PCLO: variants seen among roughly 807,000 people sequenced by gnomAD.
PCLO encodes protein piccolo.
A neutral mutation model predicts 427.5 loss-of-function variants in PCLO; 82 were observed. The ratio of observed to expected loss-of-function variants is 0.19; its 90% CI spans 0.16 to 0.23. PCLO has a LOEUF of 0.23. Among genes scored for constraint, PCLO ranks in the 10% least tolerant of loss-of-function variants. PCLO has a pLI of 1.00. For synonymous variants in PCLO, 2,357 were observed against 2,155.4 expected (o/e 1.09, Z -2.59); for missense variants, 6,239 against 6,115.9 (o/e 1.02, Z -0.67).
At chr7:82,901,546 A>C (rs542161533) in intron 9 of PCLO, among the ~76,000 whole-genome samples, 52 of 152,198 alleles carry the variant, frequency 3.4e-4, no homozygotes, top group Non-Finnish European at 6.3e-4. Flanking sequence ...CACCAAAAGC[A>C]ATGGCAACAA....
At chr7:82,938,451 C>T (rs12672033) in intron 6 of PCLO, among the ~76,000 whole-genome samples, 75,270 of 151,166 alleles carry the variant, frequency 0.5, 19,430 homozygotes, top group East Asian at 0.8. Flanking sequence ...TCCTTTTTCT[C>T]TTCCTTTTAG....
chr7:82,806,665 C>T (rs1486032498), intron 20 of PCLO, among the ~76,000 whole-genome samples: 1 of 152,106 alleles, frequency 6.6e-6, no homozygotes, highest in Non-Finnish European at 1.5e-5. Flanking sequence ...ATTTGTCTTC[C>T]GCCAGAGAGA....
At position 83,000,317 on chromosome 7, in the gene PCLO, G is replaced by C. The variant is rs529169999; in HGVS notation, c.3301-33830C>G. Reference sequence around the variant, plus strand: ...AGAGAGAGAGAGAGAAAATAAACCAGAGTATAGAATTCTATACTCTGAAAC... The same window carrying C: ...AGAGAGAGAGAGAGAAAATAAACCACAGTATAGAATTCTATACTCTGAAAC... On this transcript the variant is annotated intron_variant, in intron 3 of 24. Transcript: ENST00000333891. 4.7e-5 allele frequency among the ~76,000 whole-genome samples: 7 copies of C among 150,182 alleles called. No homozygotes were observed. In the East Asian group the frequency reaches 1.4e-3, roughly 30 times the overall value.
At chr7:82,809,083 C>T (rs1213489903) in intron 20 of PCLO, among the ~76,000 whole-genome samples, 1 of 151,806 alleles carries the variant, frequency 6.6e-6, no homozygotes, top group Admixed American at 6.6e-5. Flanking sequence ...AACATCAATT[C>T]TATTAAATTG....
chr7:82,935,995 T>C (rs151290070), intron 6 of PCLO, among the ~76,000 whole-genome samples: 10 of 151,700 alleles, frequency 6.6e-5, no homozygotes, highest in African/African-American at 2.4e-4. Flanking sequence ...TATAATCTCC[T>C]ATTCTCTAGC....
At chr7:82,873,312 C>T (rs973192957) in intron 10 of PCLO, among the ~76,000 whole-genome samples, 3 of 151,630 alleles carry the variant, frequency 2.0e-5, no homozygotes, top group African/African-American at 7.3e-5. Flanking sequence ...TCCACACTCC[C>T]GTCATCCTCT....
Position 82,951,125 on chromosome 7 carries a change from C to A in PCLO, c.9463G>T (p.Ala3155Ser), listed in dbSNP as rs1286852252. ...GCACTGATATCAATACCAGTTACTG[C>A]AATGTCCGTTTCAGATGCACCTGTT... is the stretch of plus-strand genomic sequence containing the variant. ...ITTGASETDIAVTGIDISASL... is the reference protein window; with the variant it reads ...ITTGASETDISVTGIDISASL... Residue 3155 changes from alanine (A) to serine (S), a missense_variant, in exon 6 of 25, where the codon GCA becomes TCA. By Grantham distance (99) the Ala-to-Ser change is moderately conservative. Coordinates refer to ENST00000333891, the MANE Select transcript of PCLO (RefSeq NM_033026.6). 1 of 1,613,736 alleles carries A rather than the reference C, an allele frequency of 6.2e-7. No individual in the cohort carries two copies. Among genetic ancestry groups the A allele is most frequent in the East Asian group, 2.2e-5 (1 of 44,836 alleles).
chr7:82,923,375 G>C (rs1000604268), intron 6 of PCLO, among the ~76,000 whole-genome samples: 2 of 151,966 alleles, frequency 1.3e-5, no homozygotes, highest in Admixed American at 6.6e-5. Context: ...GGGGAAAAAT[G>C]CAAGAGCAAA....
rs1161271026 is a variant in PCLO, at chr7:83,155,166, T to C, written c.1475A>G (p.Gln492Arg). The change falls in exon 2 of 25, where the codon CAA (glutamine) becomes CGA (arginine). Residue 492 changes from glutamine (Q) to arginine (R), a missense_variant. By Grantham distance (43) the Gln-to-Arg change is conservative. Transcript: ENST00000333891. ...TGGGGGCTTTGCTGAGCCAGGCTGTTGAGGTGGGGGCTTTGCTGGGCCAGG... is the reference window on the plus strand; with the variant it reads ...TGGGGGCTTTGCTGAGCCAGGCTGTCGAGGTGGGGGCTTTGCTGGGCCAGG... ...QQPGPAKPPP[Q>R]QPGSAKPPSQ... 2 of 1,558,950 alleles carry C rather than the reference T, an allele frequency of 1.3e-6. No homozygotes were observed. The highest frequency in any genetic ancestry group is 3.7e-5 in the Admixed American group (2 of 54,528).
chr7:83,016,982 T>TG (rs1459652140), intron 3 of PCLO, among the ~76,000 whole-genome samples: 1 of 151,964 alleles, frequency 6.6e-6, no homozygotes, highest in African/African-American at 2.4e-5. Flanking sequence ...TGGCTTAAAG[T>TG]GGGGAAATGG....
In PCLO at chr7:82,915,523, A is replaced by G; in HGVS notation, c.12463T>C (p.Tyr4155His). The part of the protein sequence containing the change: ...LSHYYHADTS[Y>H]RHFPKSEKYS... ...TTCTCAGATTTTGGAAAATGTCTGT[A>G]GCTAGTATCAGCATGGTAATAATGA... Residue 4155 changes from tyrosine (Y) to histidine (H), a missense_variant, in exon 7 of 25, where the codon TAC (tyrosine) becomes CAC (histidine). This residue lies in a region of PCLO where 680 missense variants were observed against 677.3 expected (regional missense o/e 1.00). Transcript: ENST00000333891. 6.2e-7 allele frequency: 1 copy of G among 1,613,736 alleles called. No individual in the cohort carries two copies. The highest frequency in any genetic ancestry group is 1.1e-5 in the South Asian group (1 of 91,076).
chr7:83,001,505 A>AACACAC (rs3035080), intron 3 of PCLO, among the ~76,000 whole-genome samples: 7,756 of 149,080 alleles, frequency 0.052, 393 homozygotes, highest in African/African-American at 0.13. Flanking sequence ...CACACATACA[A>AACACAC]ACACACACAC....
rs545360837 is a variant in PCLO, at chr7:82,967,971, T to C, written c.3301-1484A>G. Among the ~76,000 whole-genome samples, 8 of 152,332 alleles carry C rather than the reference T, an allele frequency of 5.3e-5. No individual in the cohort carries two copies. In the South Asian group the frequency reaches 1.7e-3, roughly 32 times the overall value. On this transcript the variant is annotated intron_variant, in intron 3 of 24. Coordinates refer to ENST00000333891, the MANE Select transcript of PCLO (RefSeq NM_033026.6). Reference sequence around the variant, plus strand: ...TTTCATGCTGGCTCACTCTTTCTAGTTGCTTATCTTAAAGTATTTAGATAA... The same window carrying C: ...TTTCATGCTGGCTCACTCTTTCTAGCTGCTTATCTTAAAGTATTTAGATAA...
rs566606953 is a variant in PCLO, at chr7:83,017,342, CT to C, written c.3301-50856del. Reference sequence around the variant, plus strand: ...ACATTAAAGAATTTTTTTTTGAAAACTTTACCAGGGTGTAATTGAATAGGAC... The same window carrying C: ...ACATTAAAGAATTTTTTTTTGAAAACTTACCAGGGTGTAATTGAATAGGAC... On this transcript the variant is annotated intron_variant, in intron 3 of 24. Coordinates refer to ENST00000333891, the MANE Select transcript of PCLO (RefSeq NM_033026.6). 1.5e-4 allele frequency among the ~76,000 whole-genome samples: 23 copies of C among 151,698 alleles called. No individual in the cohort carries two copies. In the South Asian group the frequency reaches 4.6e-3, roughly 30 times the overall value.
In PCLO at chr7:82,915,292, A is replaced by C; in HGVS notation, c.12694T>G (p.Ser4232Ala). The change falls in exon 7 of 25, where the codon TCC becomes GCC. Residue 4232 changes from serine (S) to alanine (A), a missense_variant. By Grantham distance (99) the Ser-to-Ala change is moderately conservative. Around this residue, in one of 5 missense-constraint regions of PCLO, gnomAD observed 680 missense variants for 677.3 expected, o/e 1.00. Coordinates refer to ENST00000333891, the MANE Select transcript of PCLO (RefSeq NM_033026.6). Reference sequence around the variant, plus strand: ...TCATCTTGAAGGAGCCTTGCCCTGGAGGAAATGCCACCAATAGATGAAGTG... The same window carrying C: ...TCATCTTGAAGGAGCCTTGCCCTGGCGGAAATGCCACCAATAGATGAAGTG... ...SSTSSIGGIS[S>A]RARLLQDDIT... is the part of the protein sequence containing the mutation. 6.2e-7 allele frequency: 1 copy of C among 1,613,640 alleles called. No homozygotes were observed.
chr7:82,783,285 T>G (rs887761272), intron 22 of PCLO, among the ~76,000 whole-genome samples: 4 of 152,224 alleles, frequency 2.6e-5, no homozygotes, highest in Non-Finnish European at 5.9e-5. Context: ...AAATACTGCC[T>G]TATCTTAGAG....
chr7:82,765,520 C>A (rs1276297527), intron 22 of PCLO, among the ~76,000 whole-genome samples: 1 of 151,962 alleles, frequency 6.6e-6, no homozygotes, highest in African/African-American at 2.4e-5. Flanking sequence ...TAGTTAATGT[C>A]ATGTGGCTTC....
chr7:82,956,082 C>T lies in PCLO; in HGVS notation c.4871G>A (p.Gly1624Glu). ...KSSTSIDEDA[G>E]RRHSWHDEDD... The stretch of plus-strand genomic sequence containing the variant: ...TTCATCATGCCATGAGTGACGTCTT[C>T]CTGCATCTTCATCAATGCTTGTGCT... The change falls in exon 5 of 25, where the codon GGA (glycine) becomes GAA (glutamate). Residue 1624 changes from glycine (G) to glutamate (E), a missense_variant. Coordinates refer to ENST00000333891, the MANE Select transcript of PCLO (RefSeq NM_033026.6). The T allele has an allele frequency of 6.2e-7, 1 of 1,611,732 alleles. No homozygotes were observed. The highest frequency in any genetic ancestry group is 8.5e-7 in the Non-Finnish European group (1 of 1,179,852).
chr7:83,076,766 C>T (rs1481897069), intron 3 of PCLO, among the ~76,000 whole-genome samples: 1 of 151,280 alleles, frequency 6.6e-6, no homozygotes, highest in Non-Finnish European at 1.5e-5. Context: ...TCTAATCTTT[C>T]TAATCCTATG....
Sources: gnomAD v4.1 joint callset for allele counts (sites outside exome capture counted in the v4.1 genomes callset) on GRCh38, gnomAD v4.1.1 for gene constraint, gnomAD v4.1.1 regional missense constraint, MANE v1.5 for transcripts, NCBI Gene and HGNC (gene_info 2026-07-23, HGNC 2026-07-21) for gene names.